Variants in ALK observed in about 807,000 individuals in gnomAD.
The protein encoded by ALK is ALK receptor tyrosine kinase.
Under a neutral mutation model 163.1 loss-of-function variants are expected in ALK, and 74 were observed. The observed-to-expected ratio is 0.45, with a 90% CI of 0.38 to 0.55. The LOEUF is 0.55. Ranked by LOEUF, ALK falls within the 20% of genes least tolerant of loss-of-function variation. The pLI, the probability that ALK is intolerant of heterozygous loss-of-function variation, is 0.00. For synonymous variants in ALK, 960 were observed against 843.2 expected (o/e 1.14, Z -2.40); for missense variants, 2,063 against 2,105.3 (o/e 0.98, Z 0.39).
rs536064143 is a variant in ALK at position 29,837,064 on chromosome 2, G to C, written c.667+82929C>G. Among the ~76,000 whole-genome samples the C allele has an allele frequency of 4.5e-4, 69 of 152,332 alleles. 1 individual carries two copies. The highest frequency in any genetic ancestry group is 1.6e-3 in the African/African-American group (67 of 41,582). ...CAGACATCCCCCTCAACTTTTGATAGAGAGGTATTATGAACTAGAAGTTGT... is the reference window on the plus strand; with the variant it reads ...CAGACATCCCCCTCAACTTTTGATACAGAGGTATTATGAACTAGAAGTTGT... On this transcript the variant is annotated intron_variant, in intron 1 of 28. Transcript: ENST00000389048.
chr2:29,536,583 T>C (rs1673262726), intron 3 of ALK, among the ~76,000 whole-genome samples: 1 of 152,044 alleles, frequency 6.6e-6, no homozygotes, highest in South Asian at 2.1e-4. Flanking sequence ...ATACAGAAAA[T>C]TGGCACCAAT....
At chr2:29,828,418 C>T (rs1039242737) in intron 1 of ALK, among the ~76,000 whole-genome samples, 2 of 152,232 alleles carry the variant, frequency 1.3e-5, no homozygotes, top group African/African-American at 4.8e-5. Flanking sequence ...ATCTACTCAT[C>T]TGACAGAGGG....
At chr2:29,274,378 T>C (rs1417967413) in intron 11 of ALK, among the ~76,000 whole-genome samples, 1 of 152,190 alleles carries the variant, frequency 6.6e-6, no homozygotes, top group African/African-American at 2.4e-5. Flanking sequence ...CTCCAGGCTA[T>C]ACATAGCAGA....
chr2:29,402,122 G>A (rs927943806), intron 4 of ALK, among the ~76,000 whole-genome samples: 2 of 152,224 alleles, frequency 1.3e-5, no homozygotes, highest in Non-Finnish European at 1.5e-5. Flanking sequence ...TTGAGTGAAA[G>A]CCTGGCAGAG....
intron 1 of ALK, among the ~76,000 whole-genome samples, chr2:29,844,506 T>C (rs1280194116): frequency 6.6e-6 from 1 of 152,152 alleles, no homozygotes; most frequent in Non-Finnish European, 1.5e-5. Context: ...CCTGTAAACC[T>C]CTGATATAGT....
intron 1 of ALK, among the ~76,000 whole-genome samples, chr2:29,765,809 T>G (rs1279393962): frequency 6.6e-6 from 1 of 152,184 alleles, no homozygotes; most frequent in Non-Finnish European, 1.5e-5. Context: ...CTCTGTTTTT[T>G]TAAGCCCTTA....
intron 1 of ALK, among the ~76,000 whole-genome samples, chr2:29,869,838 A>G (rs749473617): frequency 6.6e-6 from 1 of 152,212 alleles, no homozygotes; most frequent in Non-Finnish European, 1.5e-5. Context: ...AATACCAAAA[A>G]CAAACAAATA....
At chr2:29,832,256 T>C (rs986149180) in intron 1 of ALK, among the ~76,000 whole-genome samples, 1 of 152,062 alleles carries the variant, frequency 6.6e-6, no homozygotes, top group Non-Finnish European at 1.5e-5. Context: ...AGCAGATATA[T>C]GGAGCAAGCA....
rs1405523207 is a variant in ALK at position 29,543,910 on chromosome 2, A to G, written c.953-11794T>C. Among the ~76,000 whole-genome samples the G allele has an allele frequency of 2.6e-5, 4 of 152,194 alleles. No homozygotes were observed. The East Asian group carries it at 7.7e-4, about 29-fold the overall frequency. On this transcript the variant is annotated intron_variant, in intron 3 of 28. Transcript: ENST00000389048. ...TCTTAAAAGAGGAGACAAATGTTCA[A>G]TCCACTTTTCTGAACCAGAGGCCTC...
chr2:29,595,890 G>A, intron 3 of ALK, among the ~76,000 whole-genome samples: 1 of 152,184 alleles, frequency 6.6e-6, no homozygotes, highest in East Asian at 1.9e-4. Context: ...AAAAGCAGAA[G>A]AACCCTGGAC....
At chr2:29,528,642 T>C (rs976806582) in intron 4 of ALK, among the ~76,000 whole-genome samples, 6 of 152,160 alleles carry the variant, frequency 3.9e-5, no homozygotes, top group Non-Finnish European at 7.3e-5. Flanking sequence ...CAATCCATGA[T>C]GGTGAGATGA....
chr2:29,349,414 C>T (rs1199259620), intron 5 of ALK, among the ~76,000 whole-genome samples: 4 of 152,272 alleles, frequency 2.6e-5, no homozygotes, highest in South Asian at 4.2e-4. Flanking sequence ...GGCTGAGATT[C>T]GTGGGGCAAC....
At chr2:29,280,699 G>A (rs1219023947) in intron 9 of ALK, among the ~76,000 whole-genome samples, 3 of 150,018 alleles carry the variant, frequency 2.0e-5, no homozygotes, top group East Asian at 2.0e-4. Context: ...GTACCAGGTG[G>A]TCCATTCTGG....
chr2:29,196,780 T>C lies in ALK; in HGVS notation c.4154A>G (p.Tyr1385Cys). The change falls in exon 28 of 29, where the codon TAC (tyrosine) becomes TGC (cysteine). Residue 1385 changes from tyrosine (Y) to cysteine (C), a missense_variant. Physicochemically the swap from Tyr to Cys is radical, Grantham distance 194. Around this residue, in one of 5 missense-constraint regions of ALK, gnomAD observed 403 missense variants for 366.2 expected, o/e 1.10. Transcript: ENST00000389048. ...NFAIILERIEYCTQDPDVINT... is the reference protein window; with the variant it reads ...NFAIILERIECCTQDPDVINT... ...GAGAAAATGTTTTACCTGGGTGCAG[T>C]ATTCAATCCTCTCCAAAATGATGGC... 2 of 1,613,340 alleles carry C rather than the reference T, an allele frequency of 1.2e-6. No individual in the cohort carries two copies. Among genetic ancestry groups the C allele is most frequent in the South Asian group, 1.1e-5 (1 of 91,072 alleles).
chr2:29,286,417 G>C (rs1374793129), intron 9 of ALK: 6 of 152,170 alleles, frequency 3.9e-5, no homozygotes, highest in Non-Finnish European at 8.8e-5. Flanking sequence ...TCCAAATGTG[G>C]TTACGCATGA....
intron 1 of ALK, among the ~76,000 whole-genome samples, chr2:29,776,225 T>TAA (rs58918857): frequency 0.012 from 1,606 of 130,866 alleles, 26 homozygotes; most frequent in African/African-American, 0.043. Flanking sequence ...GGAATTTTGT[T>TAA]AAAAAAAAAA....
At chr2:29,260,930 AT>A (rs1368988471) in intron 11 of ALK, among the ~76,000 whole-genome samples, 1 of 151,736 alleles carries the variant, frequency 6.6e-6, no homozygotes, top group Non-Finnish European at 1.5e-5. Flanking sequence ...TTATCTGGAC[AT>A]TCTCTTATTT....
chr2:29,478,424 G>A (rs1180707287), intron 4 of ALK, among the ~76,000 whole-genome samples: 4 of 152,264 alleles, frequency 2.6e-5, no homozygotes, highest in Admixed American at 2.6e-4. Flanking sequence ...GGTAGGGTGA[G>A]TGCTCCCATC....
chr2:29,734,857 A>C (rs1276631858), intron 1 of ALK, among the ~76,000 whole-genome samples: 1 of 152,130 alleles, frequency 6.6e-6, no homozygotes, highest in South Asian at 2.1e-4. Flanking sequence ...ACAATTTAAA[A>C]TATATTTTAA....
Sources: gnomAD v4.1 joint callset for allele counts (sites outside exome capture counted in the v4.1 genomes callset) on GRCh38, gnomAD v4.1.1 for gene constraint, gnomAD v4.1.1 regional missense constraint, MANE v1.5 for transcripts, NCBI Gene and HGNC (gene_info 2026-07-23, HGNC 2026-07-21) for gene names.